Variants in ANKRD30B observed in about 807,000 individuals in gnomAD.
The protein encoded by ANKRD30B is ankyrin repeat domain 30B.
ANKRD30B carries 144 observed loss-of-function variants against 202.2 expected under a neutral mutation model. That is an observed-to-expected ratio of 0.71 (90% CI 0.62 to 0.82). ANKRD30B has a LOEUF of 0.82. ANKRD30B is among the 40% of genes least tolerant of loss of function. The probability of loss-of-function intolerance (pLI) is 0.00; values close to 1 mark genes in which losing one functional copy is unlikely to be tolerated. For missense variants in ANKRD30B, 1,487 were observed against 1,669.1 expected, an observed-to-expected ratio of 0.89 and a Z score of 1.90; for synonymous variants, 508 against 561.3, an observed-to-expected ratio of 0.91 and a Z score of 1.34.
At chr18:14,767,518 G>A (rs1188008790) in intron 7 of ANKRD30B, among the ~76,000 whole-genome samples, 1 of 152,144 alleles carries the variant, frequency 6.6e-6, no homozygotes, top group African/African-American at 2.4e-5. Context: ...TGTGATGACT[G>A]TGAGATGATA....
chr18:14,868,259 C>G, the ANKRD30B span, among the ~76,000 whole-genome samples: 1 of 152,294 alleles, frequency 6.6e-6, no homozygotes, highest in Non-Finnish European at 1.5e-5. Flanking sequence ...GCTGCTGGTT[C>G]TGTACCACAG....
At chr18:14,752,523 AC>A (rs1349490129) in intron 1 of ANKRD30B, 42 bp from the exon 2 acceptor site, 2 of 1,451,012 alleles carry the variant, frequency 1.4e-6, no homozygotes, top group African/African-American at 2.8e-5. Context: ...ATGTTTTGAG[AC>A]AGTGGGCTAT....
At chr18:14,789,387 T>C (rs1216494804) in intron 15 of ANKRD30B, among the ~76,000 whole-genome samples, 1 of 152,154 alleles carries the variant, frequency 6.6e-6, no homozygotes, top group East Asian at 1.9e-4. Context: ...AGAAGCTCTT[T>C]AGTTTAATGA....
At chr18:14,772,361 A>T (rs559456259) in intron 9 of ANKRD30B, 133 bp downstream of exon 9, 54 of 473,936 alleles carry the variant, frequency 1.1e-4, no homozygotes, top group Admixed American at 1.7e-4. Flanking sequence ...ATTTTATAGA[A>T]ATAGGAGTAG....
intron 22 of ANKRD30B, among the ~76,000 whole-genome samples, chr18:14,799,964 C>A (rs1416864729): frequency 6.6e-6 from 1 of 151,964 alleles, no homozygotes; most frequent in Non-Finnish European, 1.5e-5. Context: ...TGCACGGTGG[C>A]ACATGCCTGT....
intron 32 of ANKRD30B, 96 bp from the exon 33 acceptor site, chr18:14,828,182 A>G: frequency 1.1e-6 from 1 of 891,988 alleles, no homozygotes; most frequent in Non-Finnish European, 1.7e-6. Flanking sequence ...AGCTGGGATT[A>G]CAGGCATGTG....
chr18:14,827,056 G>C (rs1226232464), intron 32 of ANKRD30B, among the ~76,000 whole-genome samples: 1 of 152,124 alleles, frequency 6.6e-6, no homozygotes, highest in East Asian at 1.9e-4. Flanking sequence ...GATGAATGAG[G>C]TAGGAGTTGT....
chr18:14,875,679 ACTGG>A, the ANKRD30B span, among the ~76,000 whole-genome samples: 7 of 152,256 alleles, frequency 4.6e-5, no homozygotes, highest in Admixed American at 3.9e-4. Flanking sequence ...TCATTAGGGC[ACTGG>A]TGCACAATTT....
the ANKRD30B span, among the ~76,000 whole-genome samples, chr18:14,888,341 C>T: frequency 6.6e-6 from 1 of 151,794 alleles, no homozygotes; most frequent in Admixed American, 6.6e-5. Flanking sequence ...TTATAGCAGC[C>T]ATTTTATAAG....
At chr18:14,787,014 T>A (rs758565149) in intron 14 of ANKRD30B, 25 bp from the exon 15 acceptor site, 1 of 1,594,304 alleles carries the variant, frequency 6.3e-7, no homozygotes. Context: ...TTCTCATGAA[T>A]ACATCTGTGA....
At chr18:14,785,251 T>C (rs1306962857) in intron 14 of ANKRD30B, among the ~76,000 whole-genome samples, 1 of 152,218 alleles carries the variant, frequency 6.6e-6, no homozygotes, top group Non-Finnish European at 1.5e-5. Context: ...TGGTCATATT[T>C]AATATGTACA....
At chr18:14,851,486 A>C in intron 41 of ANKRD30B, 23 bp from the exon 42 acceptor site, 1 of 1,488,530 alleles carries the variant, frequency 6.7e-7, no homozygotes, top group Non-Finnish European at 8.9e-7. Context: ...GTGCTAGTTA[A>C]ATTTTTATTT....
At chr18:14,896,446 T>A in the ANKRD30B span, among the ~76,000 whole-genome samples, 2 of 151,964 alleles carry the variant, frequency 1.3e-5, no homozygotes, top group African/African-American at 4.8e-5. Context: ...GCTCAATTAT[T>A]TTTTTAAATC....
chr18:14,763,466 G>C (rs1467920736), intron 6 of ANKRD30B, among the ~76,000 whole-genome samples: 1 of 152,078 alleles, frequency 6.6e-6, no homozygotes. Flanking sequence ...AGAGTCGCTT[G>C]AGGTAGGAGA....
chr18:14,831,119 G>T (rs1970904395), intron 33 of ANKRD30B, among the ~76,000 whole-genome samples: 2 of 131,744 alleles, frequency 1.5e-5, no homozygotes, highest in African/African-American at 5.8e-5. Flanking sequence ...GGCAGAGCTT[G>T]CAGTGAGCAG....
chr18:14,817,355 T>G (rs1327276052), intron 30 of ANKRD30B, among the ~76,000 whole-genome samples: 1 of 152,188 alleles, frequency 6.6e-6, no homozygotes, highest in Admixed American at 6.5e-5. Flanking sequence ...AACTCCAGTG[T>G]ACACCTTTAT....
chr18:14,933,878 A>C, the ANKRD30B span, among the ~76,000 whole-genome samples: 4 of 152,124 alleles, frequency 2.6e-5, no homozygotes, highest in Admixed American at 2.0e-4. Context: ...TCTGAAACCT[A>C]ATTTTTCACA....
Position 14,754,953 on chromosome 18 carries a change from G to T in ANKRD30B, c.565G>T (p.Glu189Ter). ...ACAGAAAAGAAGCAAGCAAACTGTG[G>T]AATTTTTACTAACAAAAAATGCAAA... ...AIQKRSKQTV[E>*]FLLTKNANAN... Residue 189 changes from glutamate to a stop codon, truncating the protein, a stop_gained, in exon 4 of 44, where the codon GAA becomes TAA. Transcript: ENST00000690538. LOFTEE classifies it high-confidence loss of function. 1.3e-6 allele frequency: 2 copies of T among 1,556,254 alleles called. No individual in the cohort carries two copies. Among genetic ancestry groups the T allele is most frequent in the Non-Finnish European group, 1.7e-6 (2 of 1,149,684 alleles).
intron 15 of ANKRD30B, among the ~76,000 whole-genome samples, chr18:14,789,873 G>T (rs1413713126): frequency 6.6e-6 from 1 of 152,112 alleles, no homozygotes; most frequent in South Asian, 2.1e-4. Flanking sequence ...TGGAGATGCA[G>T]GCTCTTTTTT....
Sources: allele counts gnomAD v4.1 joint callset (sites outside exome capture counted in the v4.1 genomes callset), GRCh38; gene constraint gnomAD v4.1.1; transcripts MANE v1.5; gene names NCBI Gene and HGNC (gene_info 2026-07-23, HGNC 2026-07-21).